EPB41: variants seen among roughly 807,000 people sequenced by gnomAD.
EPB41 encodes erythrocyte membrane protein band 4.1, also known as protein 4.1.
A neutral mutation model predicts 108.0 loss-of-function variants in EPB41; 65 were observed. The observed-to-expected ratio is 0.60, with a 90% confidence interval of 0.49 to 0.74. The LOEUF (loss-of-function observed/expected upper bound fraction) is 0.74. Ranked by LOEUF, EPB41 falls within the 30% of genes least tolerant of loss-of-function variation. The pLI, the probability that EPB41 is intolerant of heterozygous loss-of-function variation, is 0.00. For missense variants in EPB41, 875 were observed against 1,037.0 expected (o/e 0.84, Z 2.15); for synonymous variants, 336 against 358.9 (o/e 0.94, Z 0.72).
intron 17 of EPB41, among the ~76,000 whole-genome samples, chr1:29,101,705 G>A (rs1422256109): frequency 6.6e-6 from 1 of 151,882 alleles, no homozygotes; most frequent in African/African-American, 2.4e-5. Context: ...AATAATGAGA[G>A]GTTGCGTAAA....
At chr1:29,012,893 A>G (rs538946811) in intron 5 of EPB41, among the ~76,000 whole-genome samples, 43 of 152,334 alleles carry the variant, frequency 2.8e-4, no homozygotes, top group African/African-American at 7.9e-4. Flanking sequence ...ACAAATATTC[A>G]GAATATTTGA....
At chr1:28,908,572 C>G (rs2092016882) in intron 1 of EPB41, among the ~76,000 whole-genome samples, 1 of 150,552 alleles carries the variant, frequency 6.6e-6, no homozygotes, top group South Asian at 2.1e-4. Context: ...GCTGGGATTA[C>G]AGGCGTGTGC....
intron 17 of EPB41, among the ~76,000 whole-genome samples, chr1:29,107,348 A>G (rs936033102): frequency 6.6e-6 from 1 of 152,086 alleles, no homozygotes; most frequent in Admixed American, 6.6e-5. Flanking sequence ...TCCTAGTTCA[A>G]ACACCCATTA....
intron 1 of EPB41, chr1:28,982,134 A>T (rs1443018353): frequency 3.2e-6 from 1 of 314,872 alleles, no homozygotes; most frequent in African/African-American, 2.2e-5. Context: ...TATGAGTGAG[A>T]ACATGCGGTG....
chr1:28,975,391 G>A (rs2095580382), intron 1 of EPB41, among the ~76,000 whole-genome samples: 1 of 152,122 alleles, frequency 6.6e-6, no homozygotes, highest in African/African-American at 2.4e-5. Context: ...AACCTTGGTT[G>A]CAAGGCTTTT....
chr1:28,913,792 G>A (rs1322531155), upstream of EPB41, among the ~76,000 whole-genome samples: 1 of 152,114 alleles, frequency 6.6e-6, no homozygotes, highest in East Asian at 1.9e-4. Context: ...AGGGTCAAGG[G>A]GTCTCTGACA....
At chr1:29,076,183 A>C (rs1370450820) in intron 16 of EPB41, among the ~76,000 whole-genome samples, 1 of 152,208 alleles carries the variant, frequency 6.6e-6, no homozygotes, top group East Asian at 1.9e-4. Context: ...ACCATCTGCT[A>C]TTCAGATCTA....
At chr1:29,017,369 A>G (rs74065210) in intron 6 of EPB41, among the ~76,000 whole-genome samples, 1,580 of 152,306 alleles carry the variant, frequency 0.01, 32 homozygotes, top group African/African-American at 0.036. Context: ...CTGTTTGGTA[A>G]AACTGTCTGA....
intron 16 of EPB41, chr1:29,069,438 G>T: frequency 8.2e-7 from 1 of 1,223,610 alleles, no homozygotes; most frequent in Non-Finnish European, 1.0e-6. Context: ...CCTTCATGAT[G>T]GTCATTATTA....
At chr1:29,074,188 G>C (rs1436360309) in intron 16 of EPB41, among the ~76,000 whole-genome samples, 1 of 152,062 alleles carries the variant, frequency 6.6e-6, no homozygotes, top group Admixed American at 6.6e-5. Flanking sequence ...TTTCGGCAAG[G>C]GTTTTGAATA....
rs549272078 is a variant in EPB41, at chr1:29,056,278, CA to C, written c.1846-2301del. ...AACAACAAAACAAAACAAAACAAAA[CA>C]AAAAAAAAACTATGGCATTTACTTG... On this transcript the variant is annotated intron_variant, in intron 12 of 20. Transcript: ENST00000343067. Among the ~76,000 whole-genome samples, 538 of 142,436 alleles carry C rather than the reference CA, an allele frequency of 3.8e-3. 3 individuals are homozygous for C. The highest frequency in any genetic ancestry group is 5.9e-3 in the Admixed American group (85 of 14,328). The allele number at this position is 142,436 out of a possible 152,430, so 93.4% of individuals were successfully genotyped here. A position where few individuals can be genotyped will look rare whatever the true frequency, so the allele number is the denominator to read the frequency against.
At position 29,060,593 on chromosome 1, in the gene EPB41, C is replaced by T. The variant is rs1196024188; in HGVS notation, c.2007+109C>T. On this transcript the variant is annotated intron_variant, in intron 15 of 20. Coordinates refer to ENST00000343067, the MANE Select transcript of EPB41 (RefSeq NM_001376013.1). Reference sequence around the variant, plus strand: ...CTGCATTTGGTTTTGCATGCAATTGCATGAAGGGACTTTAGGTTTAAAATG... The same window carrying T: ...CTGCATTTGGTTTTGCATGCAATTGTATGAAGGGACTTTAGGTTTAAAATG... 4.3e-6 allele frequency: 4 copies of T among 921,550 alleles called. No homozygotes were observed. In the African/African-American group the frequency reaches 6.6e-5, roughly 15 times the overall value. The allele number at this position is 921,550 out of a possible 1,614,324, so 57.1% of individuals were successfully genotyped here.
intron 10 of EPB41, among the ~76,000 whole-genome samples, chr1:29,036,454 T>C (rs897654934): frequency 1.3e-5 from 2 of 152,014 alleles, no homozygotes; most frequent in African/African-American, 4.8e-5. Flanking sequence ...AGAGACACGC[T>C]TTCACTATGT....
chr1:29,016,442 G>A (rs375805726), intron 6 of EPB41, among the ~76,000 whole-genome samples: 7 of 151,416 alleles, frequency 4.6e-5, no homozygotes. Flanking sequence ...GCTTGCCTCG[G>A]CCTCCCAAAG....
chr1:29,107,132 G>A (rs1323656392), intron 17 of EPB41, among the ~76,000 whole-genome samples: 5 of 151,444 alleles, frequency 3.3e-5, no homozygotes, highest in Admixed American at 1.3e-4. Context: ...GCGGTGAGCC[G>A]AGATCCCACT....
chr1:29,036,871 G>A (rs1639692693), intron 10 of EPB41, among the ~76,000 whole-genome samples: 1 of 151,566 alleles, frequency 6.6e-6, no homozygotes, highest in South Asian at 2.1e-4. Flanking sequence ...TAGTAGAGAC[G>A]AGGTTTCACT....
At chr1:28,982,287 C>T (rs2095770423) in intron 1 of EPB41, 1 of 555,376 alleles carries the variant, frequency 1.8e-6, no homozygotes, top group East Asian at 4.0e-5. Context: ...TCTAAAACCA[C>T]AGCTTCTGGA....
At chr1:29,021,622 G>A (rs989314194) in intron 7 of EPB41, among the ~76,000 whole-genome samples, 7 of 147,436 alleles carry the variant, frequency 4.7e-5, no homozygotes, top group South Asian at 4.3e-4. Context: ...TTGTTCTGTC[G>A]CCCAGGCTGG....
rs1671518962 is a variant in EPB41 at position 29,119,463 on chromosome 1, T to C, written c.*2651T>C. ...TGCAATTTTATTTTAATTTGAGAAA[T>C]AAAGATTTCCTCCAAGCCACATGAG... On this transcript the variant is annotated 3_prime_UTR_variant, in exon 21 of 21. Transcript: ENST00000343067. 1 of 152,428 alleles carries C rather than the reference T, an allele frequency of 6.6e-6. No homozygotes were observed. Among genetic ancestry groups the C allele is most frequent in the South Asian group, 2.1e-4 (1 of 4,834 alleles). The allele number at this position is 152,428 out of a possible 1,614,324, so 9.4% of individuals were successfully genotyped here. A position where few individuals can be genotyped will look rare whatever the true frequency, so the allele number is the denominator to read the frequency against.
Sources: allele counts gnomAD v4.1 joint callset (sites outside exome capture counted in the v4.1 genomes callset), GRCh38; gene constraint gnomAD v4.1.1; transcripts MANE v1.5; gene names NCBI Gene and HGNC (gene_info 2026-07-23, HGNC 2026-07-21).